Variants in PLXDC2 observed in about 807,000 individuals in gnomAD.
PLXDC2 encodes the protein plexin domain-containing protein 2.
A neutral mutation model predicts 68.9 loss-of-function variants in PLXDC2; 40 were observed. The observed-to-expected ratio is 0.58, with a 90% CI of 0.45 to 0.76. The LOEUF is 0.76. PLXDC2 is among the 30% of genes least tolerant of loss of function. The probability of loss-of-function intolerance (pLI) is 0.00; values close to 1 mark genes in which losing one functional copy is unlikely to be tolerated. For synonymous variants in PLXDC2, 243 were observed against 234.2 expected (o/e 1.04, Z -0.34); for missense variants, 644 against 661.9 (o/e 0.97, Z 0.30).
rs538884003 is a variant in PLXDC2 at position 20,133,322 on chromosome 10, C to T, written c.542-9973C>T. ...AGTTTAATTCTTTCATATATTTTCG[C>T]GTTGTTAGTTTCTATCATTTCATTT... On this transcript the variant is annotated intron_variant, in intron 4 of 13. Coordinates refer to ENST00000377252, the MANE Select transcript of PLXDC2 (RefSeq NM_032812.9). Among the ~76,000 whole-genome samples the T allele has an allele frequency of 2.2e-4, 33 of 152,150 alleles. 1 individual carries two copies. The South Asian group carries it at 6.6e-3, about 31-fold the overall frequency.
At chr10:20,248,392 A>G (rs1168164589) in intron 13 of PLXDC2, among the ~76,000 whole-genome samples, 3 of 152,186 alleles carry the variant, frequency 2.0e-5, no homozygotes. Context: ...TTAGTTCTAT[A>G]CTCTCCTAAC....
chr10:20,178,779 A>G (rs1007002623), intron 9 of PLXDC2, among the ~76,000 whole-genome samples: 1 of 152,162 alleles, frequency 6.6e-6, no homozygotes, highest in Non-Finnish European at 1.5e-5. Flanking sequence ...CTAGAACAAT[A>G]TTATTTATGA....
intron 5 of PLXDC2, among the ~76,000 whole-genome samples, chr10:20,147,549 A>G (rs1589653040): frequency 6.6e-6 from 1 of 152,304 alleles, no homozygotes. Flanking sequence ...CATTAGCTCA[A>G]TTATTGACCT....
At position 19,918,922 on chromosome 10, in the gene PLXDC2, C is replaced by A. The variant is rs147538384; in HGVS notation, c.113-82853C>A. Among the ~76,000 whole-genome samples the A allele has an allele frequency of 4.0e-4, 61 of 152,254 alleles. No individual in the cohort carries two copies. The East Asian group carries it at 0.012, about 29-fold the overall frequency. ...TGAGTTGCAGGGCATATAAGCATGACTGTATTAAGTATAAATCTGCATTCC... is the reference window on the plus strand; with the variant it reads ...TGAGTTGCAGGGCATATAAGCATGAATGTATTAAGTATAAATCTGCATTCC... On this transcript the variant is annotated intron_variant, in intron 1 of 13. Transcript: ENST00000377252.
chr10:20,231,888 A>G (rs1835369505), intron 12 of PLXDC2, among the ~76,000 whole-genome samples: 1 of 151,974 alleles, frequency 6.6e-6, no homozygotes, highest in Non-Finnish European at 1.5e-5. Flanking sequence ...ATAATGGCAT[A>G]CGCCTGTAGT....
chr10:20,062,329 C>T (rs189121101), intron 3 of PLXDC2, among the ~76,000 whole-genome samples: 115 of 152,178 alleles, frequency 7.6e-4, no homozygotes, highest in Middle Eastern at 6.8e-3. Flanking sequence ...GAGGCTGAGG[C>T]GGGAGAATCA....
Position 20,287,433 on chromosome 10 carries a change from T to C in PLXDC2, c.*7614T>C, listed in dbSNP as rs537839773. On this transcript the variant is annotated 3_prime_UTR_variant, in exon 14 of 14. Coordinates refer to ENST00000377252, the MANE Select transcript of PLXDC2 (RefSeq NM_032812.9). Reference sequence around the variant, plus strand: ...GCCCAGAGCTGGATTTCTCTGAGATTTGACCATCTCAGGACTCAGACAGAC... The same window carrying C: ...GCCCAGAGCTGGATTTCTCTGAGATCTGACCATCTCAGGACTCAGACAGAC... 3 of 152,324 alleles carry C rather than the reference T, an allele frequency of 2.0e-5. No individual in the cohort carries two copies. In the South Asian group the frequency reaches 6.2e-4, roughly 32 times the overall value. The allele number at this position is 152,324 out of a possible 1,614,324, so 9.4% of individuals were successfully genotyped here. A position where few individuals can be genotyped will look rare whatever the true frequency, so the allele number is the denominator to read the frequency against.
At chr10:19,992,356 T>A (rs1034789836) in intron 1 of PLXDC2, among the ~76,000 whole-genome samples, 2 of 152,116 alleles carry the variant, frequency 1.3e-5, no homozygotes, top group Non-Finnish European at 2.9e-5. Context: ...TTGTGAAAAA[T>A]CACAAGAATC....
At chr10:19,948,330 A>C (rs1041539758) in intron 1 of PLXDC2, among the ~76,000 whole-genome samples, 3 of 151,968 alleles carry the variant, frequency 2.0e-5, no homozygotes, top group African/African-American at 7.2e-5. Context: ...AAAATAAACA[A>C]GACTATTAAC....
chr10:19,869,445 AAGAG>A (rs1214844642), intron 1 of PLXDC2, among the ~76,000 whole-genome samples: 2 of 106,658 alleles, frequency 1.9e-5, no homozygotes, highest in Non-Finnish European at 3.7e-5. Context: ...GAAAGAGAGA[AAGAG>A]AGAAAGAGAG....
intron 9 of PLXDC2, among the ~76,000 whole-genome samples, chr10:20,183,954 C>A (rs1834643389): frequency 6.6e-6 from 1 of 151,874 alleles, no homozygotes; most frequent in Admixed American, 6.6e-5. Context: ...TTTCTTTGAT[C>A]CAATCAAAGT....
chr10:19,906,855 T>C (rs73601638), intron 1 of PLXDC2, among the ~76,000 whole-genome samples: 8,950 of 152,236 alleles, frequency 0.059, 555 homozygotes, highest in African/African-American at 0.16. Context: ...TCCTAAGCGT[T>C]ACTCTTCTGT....
chr10:19,946,557 T>C (rs1212938976), intron 1 of PLXDC2, among the ~76,000 whole-genome samples: 3 of 151,456 alleles, frequency 2.0e-5, no homozygotes, highest in African/African-American at 7.3e-5. Context: ...ATTGATCTAG[T>C]GGGCCTGCTG....
chr10:20,162,250 A>G (rs1834310148), intron 6 of PLXDC2, among the ~76,000 whole-genome samples: 2 of 152,188 alleles, frequency 1.3e-5, no homozygotes, highest in South Asian at 4.1e-4. Flanking sequence ...GGCTGCAGGA[A>G]CCAAGACATG....
At chr10:20,085,321 C>T (rs751907387) in intron 4 of PLXDC2, among the ~76,000 whole-genome samples, 3 of 152,084 alleles carry the variant, frequency 2.0e-5, no homozygotes, top group Admixed American at 6.5e-5. Context: ...GCATCGCAGA[C>T]GCTGCCTCAG....
chr10:19,821,215 C>A (rs1003939618), intron 1 of PLXDC2, among the ~76,000 whole-genome samples: 2 of 152,166 alleles, frequency 1.3e-5, no homozygotes, highest in African/African-American at 4.8e-5. Flanking sequence ...ACTTTCCCAC[C>A]CTCTCTCCCC....
chr10:20,272,655 G>A (rs967464069), intron 13 of PLXDC2, among the ~76,000 whole-genome samples: 3 of 152,054 alleles, frequency 2.0e-5, no homozygotes, highest in Admixed American at 2.0e-4. Context: ...TTGAGAGAAT[G>A]GTAAAATTAT....
At chr10:19,867,689 G>C (rs143188394) in intron 1 of PLXDC2, among the ~76,000 whole-genome samples, 1 of 152,010 alleles carries the variant, frequency 6.6e-6, no homozygotes, top group African/African-American at 2.4e-5. Flanking sequence ...ACAAACTGGG[G>C]CTCATGGCCT....
intron 4 of PLXDC2, among the ~76,000 whole-genome samples, chr10:20,114,201 T>C (rs1361624707): frequency 6.6e-6 from 1 of 152,174 alleles, no homozygotes; most frequent in African/African-American, 2.4e-5. Context: ...TGTTTGGCCA[T>C]TGCCTTTGAA....
Sources: gnomAD v4.1 joint callset for allele counts (sites outside exome capture counted in the v4.1 genomes callset) on GRCh38, gnomAD v4.1.1 for gene constraint, MANE v1.5 for transcripts, NCBI Gene and HGNC (gene_info 2026-07-23, HGNC 2026-07-21) for gene names.